EPB42: variants seen among roughly 807,000 people sequenced by gnomAD.
EPB42 encodes the protein protein 4.2.
Under a neutral mutation model 76.9 loss-of-function variants are expected in EPB42, and 49 were observed. That is an observed-to-expected ratio of 0.64 (90% CI 0.51 to 0.81). The LOEUF is 0.81. EPB42 is among the 30% of genes least tolerant of loss of function. The pLI, the probability that EPB42 is intolerant of heterozygous loss-of-function variation, is 0.00. For missense variants in EPB42, 731 were observed against 867.6 expected (o/e 0.84, Z 1.98); for synonymous variants, 310 against 338.4 (o/e 0.92, Z 0.92).
chr15:43,199,579 G>A (rs1238539558), intron 12 of EPB42, among the ~76,000 whole-genome samples: 1 of 152,168 alleles, frequency 6.6e-6, no homozygotes, highest in Non-Finnish European at 1.5e-5. Context: ...TTGGATTGTG[G>A]ACTTTTGGAT....
chr15:43,206,850 T>A lies in EPB42; in HGVS notation c.1319-221A>T, dbSNP rs2042212512. 6.6e-6 allele frequency among the ~76,000 whole-genome samples: 1 copy of A among 152,140 alleles called. No individual in the cohort carries two copies. On this transcript the variant is annotated intron_variant, in intron 9 of 12. Transcript: ENST00000441366. The surrounding 1 kb of genome is among the most constrained non-coding windows in gnomAD (Gnocchi z 4.7). The stretch of plus-strand genomic sequence containing the variant: ...TCCAAACCACTCAAGGACCAAGTTC[T>A]TTTTCAAGTGCTATGAATTCTCCCC...
intron 4 of EPB42, 56 bp downstream of exon 4, chr15:43,211,360 A>G: frequency 8.9e-7 from 1 of 1,125,036 alleles, no homozygotes; most frequent in Non-Finnish European, 1.4e-6. Flanking sequence ...TAGCCTCAAC[A>G]TGCAAGGTTA....
intron 10 of EPB42, among the ~76,000 whole-genome samples, chr15:43,205,358 A>T (rs572416231): frequency 1.3e-5 from 2 of 152,280 alleles, no homozygotes; most frequent in South Asian, 4.1e-4. Flanking sequence ...CATCGGAATT[A>T]CTTCAGTTTT....
At position 43,207,452 on chromosome 15, in the gene EPB42, G is replaced by T; in HGVS notation, c.1076-11C>A. 1 of 1,613,334 alleles carries T rather than the reference G, an allele frequency of 6.2e-7. No individual in the cohort carries two copies. Among genetic ancestry groups the T allele is most frequent in the South Asian group, 1.1e-5 (1 of 91,040 alleles). Reference sequence around the variant, plus strand: ...CACAGGACCCCAGGACTGAGGGAGAGAAAGGTTGGTGAGCATGGGAGCTGC... The same window carrying T: ...CACAGGACCCCAGGACTGAGGGAGATAAAGGTTGGTGAGCATGGGAGCTGC... On this transcript the variant is annotated splice_polypyrimidine_tract_variant and intron_variant, in intron 8 of 12. Coordinates refer to ENST00000441366, the MANE Select transcript of EPB42 (RefSeq NM_001114134.2).
At chr15:43,209,191 GC>G in intron 6 of EPB42, 82 bp downstream of exon 6, 1 of 1,531,278 alleles carries the variant, frequency 6.5e-7, no homozygotes, top group Non-Finnish European at 9.0e-7. Context: ...GGCAGCACCT[GC>G]TTTTGGAGAT....
rs563394041 is a variant in EPB42, at chr15:43,206,231, A to G, written c.1618+99T>C. On this transcript the variant is annotated intron_variant, in intron 10 of 12. Transcript: ENST00000441366. This position sits in a 1 kb window ranked among gnomAD's most constrained non-coding sequence, Gnocchi z 4.7. ...GCAGCAGGGGCTCAAAGCCATCTCT[A>G]GAGACTGCAGGGGGTGCCCTGTGGC... 2 of 1,288,204 alleles carry G rather than the reference A, an allele frequency of 1.6e-6. No individual in the cohort carries two copies. Among genetic ancestry groups the G allele is most frequent in the African/African-American group, 3.0e-5 (2 of 67,338 alleles). The allele number at this position is 1,288,204 out of a possible 1,614,324, so 79.8% of individuals were successfully genotyped here.
intron 11 of EPB42, 150 bp from the exon 12 acceptor site, chr15:43,202,127 C>T (rs2042135935): frequency 5.6e-6 from 6 of 1,067,662 alleles, no homozygotes; most frequent in Non-Finnish European, 8.4e-6. Flanking sequence ...TACCGCTCTA[C>T]CTGCTCTTCC....
At position 43,207,322 on chromosome 15, in the gene EPB42, A is replaced by G. The variant is rs751034626; in HGVS notation, c.1195T>C (p.Cys399Arg). 4.3e-6 allele frequency: 7 copies of G among 1,614,224 alleles called. No individual in the cohort carries two copies. Among genetic ancestry groups the G allele is most frequent in the Non-Finnish European group, 5.9e-6 (7 of 1,180,044 alleles). ...GTCAACTCCAGTGTCCCATCCTCAC[A>G]GCACTTCCAGACCACACATGAGGCA... ...INASCVVWKCCEDGTLELTDS... is the reference protein window; with the variant it reads ...INASCVVWKCREDGTLELTDS... The change falls in exon 9 of 13, where the codon TGT becomes CGT. Residue 399 changes from cysteine (C) to arginine (R), a missense_variant. Cys to Arg is a radical substitution (Grantham distance 180). Coordinates refer to ENST00000441366, the MANE Select transcript of EPB42 (RefSeq NM_001114134.2).
rs772158594 is a variant in EPB42, at chr15:43,201,910, G to A, written c.1847C>T (p.Ala616Val). Residue 616 changes from alanine to valine, a missense_variant, in exon 12 of 13, where the codon GCC becomes GTC. Transcript: ENST00000441366. ...GGAGATCACACAGTCCTCCATGGGGGCATCTAGGGAGTTCTGGAGGCTGAC... is the reference window on the plus strand; with the variant it reads ...GGAGATCACACAGTCCTCCATGGGGACATCTAGGGAGTTCTGGAGGCTGAC... Reference protein sequence around the residue: ...ASVSLQNSLDAPMEDCVISIL... With the variant: ...ASVSLQNSLDVPMEDCVISIL... 6.2e-7 allele frequency: 1 copy of A among 1,614,174 alleles called. No individual in the cohort carries two copies. Among genetic ancestry groups the A allele is most frequent in the East Asian group, 2.2e-5 (1 of 44,894 alleles).
At chr15:43,212,929 G>A (rs1361787889) in intron 3 of EPB42, among the ~76,000 whole-genome samples, 1 of 152,166 alleles carries the variant, frequency 6.6e-6, no homozygotes, top group Admixed American at 6.5e-5. Flanking sequence ...GGAGCTGCTA[G>A]GCTAACCTCT....
chr15:43,204,380 C>A (rs1034318385), intron 10 of EPB42, among the ~76,000 whole-genome samples: 3 of 152,092 alleles, frequency 2.0e-5, no homozygotes, highest in Non-Finnish European at 4.4e-5. Context: ...TACTCACTGA[C>A]CTCTCCCCAC....
chr15:43,213,246 G>A (rs2042327790), intron 3 of EPB42, among the ~76,000 whole-genome samples: 1 of 152,180 alleles, frequency 6.6e-6, no homozygotes, highest in Non-Finnish European at 1.5e-5. Context: ...CTGCTTGGGT[G>A]TATGTAGCCC....
intron 4 of EPB42, 131 bp from the exon 5 acceptor site, chr15:43,210,570 C>G: frequency 2.5e-6 from 2 of 799,000 alleles, no homozygotes; most frequent in Non-Finnish European, 4.2e-6. Context: ...GCACTCCACA[C>G]CTGCCTCCCT....
chr15:43,209,324 C>A lies in EPB42; in HGVS notation c.782G>T (p.Arg261Leu). ...CCAGGCCTGGCCATCATACACAGGTCGGCCTCGGCCGGTGAGCCACTGCCG... is the reference window on the plus strand; with the variant it reads ...CCAGGCCTGGCCATCATACACAGGTAGGCCTCGGCCGGTGAGCCACTGCCG... The part of the protein sequence containing the change: ...ILRQWLTGRG[R>L]PVYDGQAWVL... The change falls in exon 6 of 13, where the codon CGA (arginine) becomes CTA (leucine). Residue 261 changes from arginine to leucine, a missense_variant. By Grantham distance (102) the Arg-to-Leu change is moderately radical. Transcript: ENST00000441366. 6.2e-7 allele frequency: 1 copy of A among 1,614,088 alleles called. No homozygotes were observed. The highest frequency in any genetic ancestry group is 8.5e-7 in the Non-Finnish European group (1 of 1,180,018).
chr15:43,201,560 G>A lies in EPB42; in HGVS notation c.1913+284C>T, dbSNP rs996530444. Among the ~76,000 whole-genome samples the A allele has an allele frequency of 6.6e-5, 10 of 152,114 alleles. No homozygotes were observed. In the East Asian group the frequency reaches 7.7e-4, roughly 12 times the overall value. On this transcript the variant is annotated intron_variant, in intron 12 of 12. Coordinates refer to ENST00000441366, the MANE Select transcript of EPB42 (RefSeq NM_001114134.2). Reference sequence around the variant, plus strand: ...TCCAATACCCAGCCCTAATGCCCTCGCCTATATTCACAGCAACACCCAGGC... The same window carrying A: ...TCCAATACCCAGCCCTAATGCCCTCACCTATATTCACAGCAACACCCAGGC...
intron 1 of EPB42, among the ~76,000 whole-genome samples, chr15:43,220,368 C>T (rs1362741683): frequency 1.3e-5 from 2 of 152,104 alleles, no homozygotes; most frequent in African/African-American, 4.8e-5. Context: ...GGTGTAGAAG[C>T]TGTGACACCT....
At chr15:43,220,649 A>AACCCCCC in intron 1 of EPB42, 167 bp downstream of exon 1, 30 of 388,174 alleles carry the variant, frequency 7.7e-5, no homozygotes, top group South Asian at 1.4e-4. Context: ...CACCTACCAC[A>AACCCCCC]CCCCCCCCCC....
At chr15:43,212,020 T>C (rs1159386502) in intron 3 of EPB42, among the ~76,000 whole-genome samples, 10 of 151,768 alleles carry the variant, frequency 6.6e-5, no homozygotes, top group East Asian at 5.8e-4. Flanking sequence ...TGAGCTATGA[T>C]GGTGCCACTG....
chr15:43,205,426 G>A (rs1423548347), intron 10 of EPB42, among the ~76,000 whole-genome samples: 1 of 152,114 alleles, frequency 6.6e-6, no homozygotes, highest in Admixed American at 6.5e-5. Context: ...TTGAGACGGA[G>A]TGTCACTGTG....
Sources: gnomAD v4.1 joint callset for allele counts (sites outside exome capture counted in the v4.1 genomes callset) on GRCh38, gnomAD v4.1.1 for gene constraint, Gnocchi (gnomAD v3.1) non-coding constraint, MANE v1.5 for transcripts, NCBI Gene and HGNC (gene_info 2026-07-23, HGNC 2026-07-21) for gene names.